The following XRCC4 variants were observed in gnomAD, a reference collection of about 807,000 sequenced individuals.
XRCC4 encodes the protein X-ray repair cross complementing 4.
XRCC4 carries 28 observed loss-of-function variants against 39.1 expected under a neutral mutation model. The observed-to-expected ratio is 0.72, with a 90% CI of 0.53 to 0.98. The LOEUF (loss-of-function observed/expected upper bound fraction) is 0.98. Among genes scored for constraint, XRCC4 ranks in the 50% least tolerant of loss-of-function variants. XRCC4 has a pLI of 0.00. For synonymous variants in XRCC4, 123 were observed against 126.4 expected (o/e 0.97, Z 0.18); for missense variants, 350 against 376.4 (o/e 0.93, Z 0.58).
At chr5:83,339,155 T>C (rs761187805) in intron 7 of XRCC4, among the ~76,000 whole-genome samples, 7 of 152,334 alleles carry the variant, frequency 4.6e-5, no homozygotes, top group Non-Finnish European at 1.0e-4. Context: ...TTTGGTTATA[T>C]TTAAAACATC....
intron 7 of XRCC4, among the ~76,000 whole-genome samples, chr5:83,327,255 T>C (rs971643530): frequency 6.6e-6 from 1 of 151,944 alleles, no homozygotes; most frequent in Admixed American, 6.6e-5. Context: ...ATCTCAAGAG[T>C]CTTGCCTTTT....
chr5:83,265,024 A>G (rs1753907084), intron 7 of XRCC4, among the ~76,000 whole-genome samples: 1 of 152,122 alleles, frequency 6.6e-6, no homozygotes, highest in African/African-American at 2.4e-5. Flanking sequence ...AGAGAGAAGG[A>G]GATGAAATTG....
At chr5:83,172,063 C>T (rs1012419678) in intron 3 of XRCC4, among the ~76,000 whole-genome samples, 1 of 152,098 alleles carries the variant, frequency 6.6e-6, no homozygotes, top group African/African-American at 2.4e-5. Flanking sequence ...TTTTGATTTG[C>T]AAAGGACAAT....
intron 3 of XRCC4, among the ~76,000 whole-genome samples, chr5:83,147,232 T>C (rs1748495685): frequency 6.6e-6 from 1 of 152,192 alleles, no homozygotes; most frequent in Admixed American, 6.5e-5. Context: ...AAGTCCAGCC[T>C]GGGCAACATA....
intron 7 of XRCC4, among the ~76,000 whole-genome samples, chr5:83,269,357 G>A (rs1318234491): frequency 6.6e-6 from 1 of 151,622 alleles, no homozygotes; most frequent in African/African-American, 2.4e-5. Context: ...AAGGAGGATA[G>A]GATGTAATTT....
chr5:83,140,198 G>A (rs1017286473), intron 3 of XRCC4, among the ~76,000 whole-genome samples: 4 of 152,162 alleles, frequency 2.6e-5, no homozygotes, highest in Non-Finnish European at 5.9e-5. Context: ...ACGACAGGGC[G>A]TCTGCAAGCT....
At chr5:83,313,711 G>T (rs2112103188) in intron 7 of XRCC4, among the ~76,000 whole-genome samples, 1 of 152,194 alleles carries the variant, frequency 6.6e-6, no homozygotes, top group Non-Finnish European at 1.5e-5. Flanking sequence ...ATACTCTTTA[G>T]ATATTGACTT....
intron 3 of XRCC4, among the ~76,000 whole-genome samples, chr5:83,130,653 T>A (rs1439540594): frequency 2.0e-5 from 3 of 152,164 alleles, no homozygotes; most frequent in African/African-American, 7.2e-5. Flanking sequence ...CAGAACCTGT[T>A]ATTGGTCTAT....
chr5:83,261,876 A>AT (rs1358415707), intron 7 of XRCC4, among the ~76,000 whole-genome samples: 1 of 152,220 alleles, frequency 6.6e-6, no homozygotes, highest in African/African-American at 2.4e-5. Flanking sequence ...AAAAGTATTC[A>AT]TTTTTTAAAT....
the XRCC4 span, among the ~76,000 whole-genome samples, chr5:83,361,871 A>T: frequency 6.6e-6 from 1 of 152,002 alleles, no homozygotes; most frequent in South Asian, 2.1e-4. Flanking sequence ...CTAACTCTTT[A>T]CAAGAATTTC....
At chr5:83,251,137 C>T (rs1273015368) in intron 6 of XRCC4, among the ~76,000 whole-genome samples, 1 of 152,180 alleles carries the variant, frequency 6.6e-6, no homozygotes, top group Admixed American at 6.5e-5. Context: ...GTTCATAAAA[C>T]ACTCAATAAA....
At chr5:83,224,551 G>A (rs1448115368) in intron 6 of XRCC4, among the ~76,000 whole-genome samples, 2 of 152,088 alleles carry the variant, frequency 1.3e-5, no homozygotes, top group African/African-American at 2.4e-5. Flanking sequence ...TTTATCCAGC[G>A]GCACTATAGC....
At chr5:83,330,055 G>A (rs1427230146) in intron 7 of XRCC4, among the ~76,000 whole-genome samples, 1 of 152,030 alleles carries the variant, frequency 6.6e-6, no homozygotes, top group Non-Finnish European at 1.5e-5. Flanking sequence ...CATCATATTA[G>A]CAACTTATTT....
At chr5:83,280,552 A>T in intron 7 of XRCC4, 1 of 547,542 alleles carries the variant, frequency 1.8e-6, no homozygotes, top group Non-Finnish European at 3.3e-6. Context: ...AGGCCCCTGC[A>T]CTGGAGCCCA....
chr5:83,127,880 C>CTTTTTTTTT (rs59797411), intron 3 of XRCC4, among the ~76,000 whole-genome samples: 1 of 134,148 alleles, frequency 7.5e-6, no homozygotes, highest in Non-Finnish European at 1.6e-5. Context: ...TCTAAGTTGA[C>CTTTTTTTTT]TTTTTTTTTT....
intron 3 of XRCC4, among the ~76,000 whole-genome samples, chr5:83,115,107 A>G (rs112385351): frequency 0.015 from 2,219 of 152,216 alleles, 61 homozygotes; most frequent in African/African-American, 0.051. Flanking sequence ...ACCTCCCACC[A>G]TGTTTGTCTT....
chr5:83,097,262 A>T lies in XRCC4; in HGVS notation c.-10-7648A>T, dbSNP rs76509520. On this transcript the variant is annotated intron_variant, in intron 1 of 7. Coordinates refer to ENST00000396027, the MANE Select transcript of XRCC4 (RefSeq NM_003401.5). ...TGAACTGTATGAAATTGTCATTTTT[A>T]TAGGTTAAAAATTGTGAAATGTTGG... Among the ~76,000 whole-genome samples, 446 of 152,258 alleles carry T rather than the reference A, an allele frequency of 2.9e-3. 11 individuals carry two copies. The East Asian group carries it at 0.074, about 25-fold the overall frequency.
chr5:83,126,583 C>G (rs1417037748), intron 3 of XRCC4, among the ~76,000 whole-genome samples: 1 of 152,140 alleles, frequency 6.6e-6, no homozygotes, highest in East Asian at 1.9e-4. Context: ...AGTCAATGCC[C>G]AGGGGAACTG....
At position 83,130,429 on chromosome 5, in the gene XRCC4, C is replaced by CT. The variant is rs534998784; in HGVS notation, c.315+19233dup. 3.1e-3 allele frequency among the ~76,000 whole-genome samples: 469 copies of CT among 152,082 alleles called. 16 individuals carry two copies. The East Asian group carries it at 0.074, about 24-fold the overall frequency. The stretch of plus-strand genomic sequence containing the variant: ...TTCAGGGATATTGGTCTAAAATTGT[C>CT]TTTTTTTGGTTGTGTCTCTGCCAGG... On this transcript the variant is annotated intron_variant, in intron 3 of 7. Coordinates refer to ENST00000396027, the MANE Select transcript of XRCC4 (RefSeq NM_003401.5).
Sources: gnomAD v4.1 joint callset for allele counts (sites outside exome capture counted in the v4.1 genomes callset) on GRCh38, gnomAD v4.1.1 for gene constraint, MANE v1.5 for transcripts, NCBI Gene and HGNC (gene_info 2026-07-23, HGNC 2026-07-21) for gene names.